The following GALNT17 variants were observed in gnomAD, a reference collection of about 807,000 sequenced individuals.
GALNT17 encodes polypeptide N-acetylgalactosaminyltransferase 17, also known as UDP-GalNAc:polypeptide N-acetylgalactosaminyltransferase-like 3.
Under a neutral mutation model 63.7 loss-of-function variants are expected in GALNT17, and 29 were observed. The ratio of observed to expected loss-of-function variants is 0.46; its 90% CI spans 0.34 to 0.62. The LOEUF is 0.62. Among genes scored for constraint, GALNT17 ranks in the 20% least tolerant of loss-of-function variants. The pLI is 0.01. For synonymous variants in GALNT17, 305 were observed against 318.3 expected, an observed-to-expected ratio of 0.96 and a Z score of 0.45; for missense variants, 603 against 799.6, an observed-to-expected ratio of 0.75 and a Z score of 2.97.
At chr7:71,643,535 A>G (rs1790633511) in intron 6 of GALNT17, among the ~76,000 whole-genome samples, 1 of 152,196 alleles carries the variant, frequency 6.6e-6, no homozygotes, top group Non-Finnish European at 1.5e-5. Flanking sequence ...GATGCATTCA[A>G]GATAATACAA....
rs993698845 is a variant in GALNT17 at position 71,712,337 on chromosome 7, C to T, written c.*191C>T. 1.0e-5 allele frequency: 6 copies of T among 596,140 alleles called. No homozygotes were observed. The Admixed American group carries it at 1.4e-4, about 14-fold the overall frequency. The allele number at this position is 596,140 out of a possible 1,614,324, so 36.9% of individuals were successfully genotyped here. ...CCCCCCTCAGGCATTCAGCTGCCCA[C>T]AAGTTTCCTGCACCCTGGAAAAGCC... On this transcript the variant is annotated 3_prime_UTR_variant, in exon 11 of 11. Transcript: ENST00000333538.
At chr7:71,609,568 G>A (rs1401270040) in intron 6 of GALNT17, among the ~76,000 whole-genome samples, 1 of 152,042 alleles carries the variant, frequency 6.6e-6, no homozygotes, top group African/African-American at 2.4e-5. Context: ...TACATAGTAG[G>A]TGTATATATT....
intron 5 of GALNT17, among the ~76,000 whole-genome samples, chr7:71,451,122 TTC>T (rs1787255096): frequency 6.6e-6 from 1 of 151,498 alleles, no homozygotes; most frequent in Non-Finnish European, 1.5e-5. Flanking sequence ...GATGTTCCCC[TTC>T]CTGTGTCCAA....
At chr7:71,616,926 A>AAATT (rs1790218048) in intron 6 of GALNT17, among the ~76,000 whole-genome samples, 1 of 145,306 alleles carries the variant, frequency 6.9e-6, no homozygotes, top group South Asian at 2.1e-4. Flanking sequence ...AAGAATAAAT[A>AAATT]ATTATTATAT....
intron 1 of GALNT17, among the ~76,000 whole-genome samples, chr7:71,285,583 G>C (rs1790858827): frequency 6.6e-6 from 1 of 152,182 alleles, no homozygotes; most frequent in South Asian, 2.1e-4. Flanking sequence ...ATGGTATTAG[G>C]GGGTTGGGCC....
intron 6 of GALNT17, among the ~76,000 whole-genome samples, chr7:71,655,700 C>G (rs941284031): frequency 1.3e-5 from 2 of 152,168 alleles, no homozygotes; most frequent in Non-Finnish European, 2.9e-5. Context: ...TTGGGTCTAT[C>G]TCAGCTCTTG....
intron 5 of GALNT17, among the ~76,000 whole-genome samples, chr7:71,501,214 C>A (rs1788175171): frequency 6.6e-6 from 1 of 152,092 alleles, no homozygotes; most frequent in Non-Finnish European, 1.5e-5. Context: ...AATGATCCAT[C>A]CTCCTCAGCC....
At chr7:71,372,407 C>T (rs1756942597) in intron 2 of GALNT17, among the ~76,000 whole-genome samples, 1 of 152,070 alleles carries the variant, frequency 6.6e-6, no homozygotes, top group Non-Finnish European at 1.5e-5. Flanking sequence ...TCAAGTGATC[C>T]ACCTGCCTCA....
intron 1 of GALNT17, among the ~76,000 whole-genome samples, chr7:71,296,627 A>G (rs1791084668): frequency 9.6e-6 from 1 of 104,536 alleles, no homozygotes; most frequent in African/African-American, 3.4e-5. Flanking sequence ...AAAAAAAAAC[A>G]ACTATATATA....
rs1423500956 is a variant in GALNT17 at position 71,688,947 on chromosome 7, C to A, written c.1500+11641C>A. On this transcript the variant is annotated intron_variant, in intron 9 of 10. Transcript: ENST00000333538. ...TATGGGTGCCGTTTTTCCAACAGCA[C>A]CTGCTCACTTCCTGTCGCTGTGTCA... Among the ~76,000 whole-genome samples the A allele has an allele frequency of 9.2e-5, 14 of 152,268 alleles. 1 individual carries two copies. The South Asian group carries it at 2.7e-3, about 29-fold the overall frequency.
At chr7:71,595,617 G>A (rs1048696461) in intron 6 of GALNT17, among the ~76,000 whole-genome samples, 16 of 151,366 alleles carry the variant, frequency 1.1e-4, no homozygotes, top group African/African-American at 3.6e-4. Flanking sequence ...TCCTTCATAT[G>A]TGTTGGCTCA....
Position 71,481,244 on chromosome 7 carries a change from C to T in GALNT17, c.962+60139C>T, listed in dbSNP as rs569713832. ...GGCAGATCACTTGAGGTCAGGAATTCGAGACCAGCCTGGCCAACATGGTGA... is the reference window on the plus strand; with the variant it reads ...GGCAGATCACTTGAGGTCAGGAATTTGAGACCAGCCTGGCCAACATGGTGA... On this transcript the variant is annotated intron_variant, in intron 5 of 10. Transcript: ENST00000333538. 8.5e-5 allele frequency among the ~76,000 whole-genome samples: 13 copies of T among 152,168 alleles called. No homozygotes were observed. The South Asian group carries it at 1.0e-3, about 12-fold the overall frequency.
chr7:71,693,307 C>CATATATAT (rs1397260396), intron 9 of GALNT17, among the ~76,000 whole-genome samples: 20 of 126,670 alleles, frequency 1.6e-4, no homozygotes, highest in African/African-American at 4.1e-4. Context: ...CACACACACA[C>CATATATAT]ACATATATAT....
chr7:71,248,553 G>A (rs1299777233), intron 1 of GALNT17, among the ~76,000 whole-genome samples: 2 of 152,142 alleles, frequency 1.3e-5, no homozygotes, highest in African/African-American at 4.8e-5. Context: ...CAGTTGATGT[G>A]TTCATGTGGT....
rs1336566588 is a variant in GALNT17 at position 71,407,105 on chromosome 7, C to T, written c.590-8784C>T. On this transcript the variant is annotated intron_variant, in intron 3 of 10. Transcript: ENST00000333538. ...CCATTGGGGTGGAGAGAAAGGCCGG[C>T]ATCTGGGAGGGCCCAGGGTATGGTC... is the stretch of plus-strand genomic sequence containing the variant. Among the ~76,000 whole-genome samples, 6 of 152,308 alleles carry T rather than the reference C, an allele frequency of 3.9e-5. No individual in the cohort carries two copies. The East Asian group carries it at 1.2e-3, about 29-fold the overall frequency.
chr7:71,377,389 C>T (rs1792764175), intron 2 of GALNT17, among the ~76,000 whole-genome samples: 1 of 118,194 alleles, frequency 8.5e-6, no homozygotes, highest in Admixed American at 8.9e-5. Flanking sequence ...AGGAGCCAGG[C>T]TGTCAAAGAA....
chr7:71,299,124 C>A (rs868044644), intron 1 of GALNT17, among the ~76,000 whole-genome samples: 1 of 152,104 alleles, frequency 6.6e-6, no homozygotes, highest in African/African-American at 2.4e-5. Context: ...CTGGGCCCGC[C>A]CCTCATTCTA....
rs117117175 is a variant in GALNT17 at position 71,226,144 on chromosome 7, A to C, written c.238+93104A>C. On this transcript the variant is annotated intron_variant, in intron 1 of 10. Transcript: ENST00000333538. ...TTTAATTTGTTGAGTAAATAAACTA[A>C]AACAAGAATGAGCTATCTGACACCA... Among the ~76,000 whole-genome samples the C allele has an allele frequency of 7.9e-5, 12 of 152,360 alleles. No homozygotes were observed. In the East Asian group the frequency reaches 2.3e-3, roughly 29 times the overall value.
At chr7:71,237,199 C>T (rs778782701) in intron 1 of GALNT17, among the ~76,000 whole-genome samples, 2 of 152,116 alleles carry the variant, frequency 1.3e-5, no homozygotes, top group African/African-American at 4.8e-5. Flanking sequence ...TTATTGTCTC[C>T]GTATGTAATG....
Sources: allele counts gnomAD v4.1 joint callset (sites outside exome capture counted in the v4.1 genomes callset), GRCh38; gene constraint gnomAD v4.1.1; transcripts MANE v1.5; gene names NCBI Gene and HGNC (gene_info 2026-07-23, HGNC 2026-07-21).